The following GRID1 variants were observed in gnomAD, a reference collection of about 807,000 sequenced individuals.
GRID1 encodes the protein glutamate receptor ionotropic, delta-1.
A neutral mutation model predicts 98.0 loss-of-function variants in GRID1; 28 were observed. The observed-to-expected ratio is 0.29, with a 90% CI of 0.21 to 0.39. The LOEUF (loss-of-function observed/expected upper bound fraction) is 0.39, where lower values mean the gene tolerates loss of function less well. Among genes scored for constraint, GRID1 ranks in the 10% least tolerant of loss-of-function variants. GRID1 has a pLI of 1.00. For synonymous variants in GRID1, 553 were observed against 538.5 expected (o/e 1.03, Z -0.37); for missense variants, 1,111 against 1,340.5 (o/e 0.83, Z 2.67).
Position 86,138,942 on chromosome 10 carries a change from A to G in GRID1, c.603T>C (p.Ile201=), listed in dbSNP as rs772075992. 2 of 1,613,830 alleles carry G rather than the reference A, an allele frequency of 1.2e-6. No individual in the cohort carries two copies. The highest frequency in any genetic ancestry group is 2.7e-5 in the African/African-American group (2 of 74,918). Residue 201 remains isoleucine, a synonymous_variant, in exon 4 of 16, where the codon ATT becomes ATC. Coordinates refer to ENST00000327946, the MANE Select transcript of GRID1 (RefSeq NM_017551.3). ...DVSLQKVDKN[I]SHVFTSLFTT... ...TGAAGAGGCTGGTGAATACGTGGCTAATGTTCTTGTCCACCTTTTGTAAAG... is the reference window on the plus strand; with the variant it reads ...TGAAGAGGCTGGTGAATACGTGGCTGATGTTCTTGTCCACCTTTTGTAAAG...
chr10:85,656,563 CA>C (rs914110356), intron 12 of GRID1, among the ~76,000 whole-genome samples: 2 of 152,186 alleles, frequency 1.3e-5, no homozygotes, highest in African/African-American at 2.4e-5. Context: ...TAAACATGCT[CA>C]AACTTGAGCT....
intron 2 of GRID1, among the ~76,000 whole-genome samples, chr10:86,236,407 G>T (rs1224874486): frequency 6.6e-6 from 1 of 152,208 alleles, no homozygotes; most frequent in East Asian, 1.9e-4. Flanking sequence ...AAAGAACAAG[G>T]ATGATGAGTG....
At chr10:85,994,575 A>G (rs1401412907) in intron 4 of GRID1, among the ~76,000 whole-genome samples, 2 of 152,212 alleles carry the variant, frequency 1.3e-5, no homozygotes. Flanking sequence ...ATGAAGAAAT[A>G]GAGGTCCATT....
At chr10:85,844,729 T>A (rs1205178975) in intron 8 of GRID1, among the ~76,000 whole-genome samples, 1 of 151,916 alleles carries the variant, frequency 6.6e-6, no homozygotes, top group Non-Finnish European at 1.5e-5. Flanking sequence ...GAATATACTA[T>A]AAAATAATAA....
At chr10:86,183,982 T>C (rs1042105348) in intron 3 of GRID1, among the ~76,000 whole-genome samples, 9 of 152,244 alleles carry the variant, frequency 5.9e-5, no homozygotes, top group Non-Finnish European at 1.3e-4. Context: ...TGCTATGAAA[T>C]AGCATGTTCT....
At chr10:85,931,841 TA>T (rs1187989756) in intron 4 of GRID1, among the ~76,000 whole-genome samples, 2 of 152,204 alleles carry the variant, frequency 1.3e-5, no homozygotes, top group African/African-American at 4.8e-5. Context: ...GACTTGTGGA[TA>T]GGGGGACTTC....
intron 7 of GRID1, 110 bp downstream of exon 7, chr10:85,855,918 TG>T: frequency 2.2e-6 from 2 of 899,556 alleles, no homozygotes; most frequent in Non-Finnish European, 1.8e-6. Flanking sequence ...AGGGGCCTAC[TG>T]GGGCAGCCAC....
At chr10:85,703,531 G>A (rs1163037870) in intron 12 of GRID1, among the ~76,000 whole-genome samples, 5 of 151,970 alleles carry the variant, frequency 3.3e-5, no homozygotes, top group African/African-American at 7.2e-5. Context: ...GGAGGAAGAA[G>A]GAGAGGAGGA....
rs1842692255 is a variant in GRID1 at position 85,813,624 on chromosome 10, T to G, written c.1233+40872A>C. ...TTTTTTAAAATTTGCTTTAAAACATTTTTTAAAAACTTATGTTTAAAAAAA... is the reference window on the plus strand; with the variant it reads ...TTTTTTAAAATTTGCTTTAAAACATGTTTTAAAAACTTATGTTTAAAAAAA... On this transcript the variant is annotated intron_variant, in intron 8 of 15. Coordinates refer to ENST00000327946, the MANE Select transcript of GRID1 (RefSeq NM_017551.3). Among the ~76,000 whole-genome samples the G allele has an allele frequency of 2.0e-5, 3 of 151,940 alleles. No homozygotes were observed. In the South Asian group the frequency reaches 6.2e-4, roughly 31 times the overall value.
intron 2 of GRID1, among the ~76,000 whole-genome samples, chr10:86,277,124 T>C (rs1432086678): frequency 4.6e-5 from 7 of 152,234 alleles, no homozygotes; most frequent in Non-Finnish European, 8.8e-5. Context: ...GATTAAAATG[T>C]TCTCAAGATG....
intron 5 of GRID1, among the ~76,000 whole-genome samples, chr10:85,915,117 G>T (rs1032907037): frequency 6.6e-6 from 1 of 152,138 alleles, no homozygotes; most frequent in Non-Finnish European, 1.5e-5. Flanking sequence ...AAACTGGTGG[G>T]ATGGTCAGTC....
chr10:85,635,545 T>C (rs1031131537), intron 13 of GRID1, among the ~76,000 whole-genome samples: 4 of 152,210 alleles, frequency 2.6e-5, no homozygotes, highest in African/African-American at 9.7e-5. Context: ...AACATTTACT[T>C]TGATTTTTGA....
At position 86,312,057 on chromosome 10, in the gene GRID1, T is replaced by C. The variant is rs1000566931; in HGVS notation, c.235+51884A>G. 6.6e-5 allele frequency among the ~76,000 whole-genome samples: 10 copies of C among 152,354 alleles called. No homozygotes were observed. In the East Asian group the frequency reaches 1.9e-3, roughly 29 times the overall value. ...CACTTGTAATTTGTGCAAAGTGCCTTGTGGCTGACTGCCACCGCACAGGCT... is the reference window on the plus strand; with the variant it reads ...CACTTGTAATTTGTGCAAAGTGCCTCGTGGCTGACTGCCACCGCACAGGCT... On this transcript the variant is annotated intron_variant, in intron 2 of 15. Transcript: ENST00000327946.
chr10:86,009,064 C>A (rs1186784825), intron 4 of GRID1, among the ~76,000 whole-genome samples: 1 of 152,056 alleles, frequency 6.6e-6, no homozygotes, highest in Non-Finnish European at 1.5e-5. Context: ...GAGCTCTGGC[C>A]ACACACAGCA....
In GRID1 at chr10:85,715,050, G is replaced by A. The variant is rs143391604; in HGVS notation, c.1997+7953C>T. 1.8e-3 allele frequency among the ~76,000 whole-genome samples: 278 copies of A among 152,056 alleles called. 3 individuals carry two copies. The highest frequency in any genetic ancestry group is 0.01 in the Middle Eastern group (3 of 292). On this transcript the variant is annotated intron_variant, in intron 12 of 15. Transcript: ENST00000327946. ...TTGGCATAAAAACAGATATATAGAC[G>A]AATGAAAGAGAATACAGCCTAGAAA...
intron 12 of GRID1, among the ~76,000 whole-genome samples, chr10:85,685,605 G>C (rs1385766520): frequency 6.6e-6 from 1 of 152,142 alleles, no homozygotes. Context: ...AATACTCTTA[G>C]AGACAAACTA....
intron 4 of GRID1, among the ~76,000 whole-genome samples, chr10:86,090,281 G>T (rs1267914442): frequency 6.6e-6 from 1 of 150,512 alleles, no homozygotes; most frequent in East Asian, 2.0e-4. Flanking sequence ...AAAAAAAATA[G>T]TGGGCATGGT....
chr10:85,651,771 A>C (rs970019713), intron 12 of GRID1, among the ~76,000 whole-genome samples: 4 of 152,182 alleles, frequency 2.6e-5, no homozygotes, highest in African/African-American at 9.7e-5. Flanking sequence ...CTGGCTCATG[A>C]AATGTCATGG....
Position 85,602,538 on chromosome 10 carries a change from T to C in GRID1, c.2765A>G (p.Asn922Ser). The change falls in exon 16 of 16, where the codon AAC becomes AGC. Residue 922 changes from asparagine to serine, a missense_variant. Coordinates refer to ENST00000327946, the MANE Select transcript of GRID1 (RefSeq NM_017551.3). Reference protein sequence around the residue: ...QTLEPTREYQNTQLSVSTFLP... With the variant: ...QTLEPTREYQSTQLSVSTFLP... Reference sequence around the variant, plus strand: ...AAAGGTGCTGACCGAGAGCTGGGTGTTCTGGTACTCCCGTGTCGGCTCCAA... The same window carrying C: ...AAAGGTGCTGACCGAGAGCTGGGTGCTCTGGTACTCCCGTGTCGGCTCCAA... The C allele has an allele frequency of 6.2e-7, 1 of 1,614,032 alleles. No individual in the cohort carries two copies. The highest frequency in any genetic ancestry group is 8.5e-7 in the Non-Finnish European group (1 of 1,179,994).
Sources: allele counts gnomAD v4.1 joint callset (sites outside exome capture counted in the v4.1 genomes callset), GRCh38; gene constraint gnomAD v4.1.1; transcripts MANE v1.5; gene names NCBI Gene and HGNC (gene_info 2026-07-23, HGNC 2026-07-21).